Variants in FBXW11 observed in about 807,000 individuals in gnomAD.
FBXW11 encodes the protein F-box and WD repeat domain containing 11, also known as F-box/WD repeat-containing protein 11.
Under a neutral mutation model 77.6 loss-of-function variants are expected in FBXW11, and 19 were observed. The observed-to-expected ratio is 0.24, with a 90% CI of 0.17 to 0.36. The LOEUF is 0.36. FBXW11 is among the 10% of genes least tolerant of loss of function. The probability of loss-of-function intolerance (pLI) is 1.00; values close to 1 mark genes in which losing one functional copy is unlikely to be tolerated. For missense variants in FBXW11, 334 were observed against 704.2 expected (o/e 0.47, Z 5.95); for synonymous variants, 235 against 249.4 (o/e 0.94, Z 0.54).
chr5:171,878,593 A>AGTGTGTGTGT (rs1491338650), intron 7 of FBXW11, among the ~76,000 whole-genome samples: 4 of 59,548 alleles, frequency 6.7e-5, no homozygotes, highest in African/African-American at 3.3e-4. Context: ...TGTGTGTGTA[A>AGTGTGTGTGT]GAGAGAGAGA....
At chr5:171,999,389 CAAAAAA>C (rs1222905214) in intron 1 of FBXW11, among the ~76,000 whole-genome samples, 1 of 127,610 alleles carries the variant, frequency 7.8e-6, no homozygotes, top group Non-Finnish European at 1.6e-5. Flanking sequence ...CCCTTCCCTT[CAAAAAA>C]AAAAAATATA....
At chr5:171,912,610 A>G (rs61063419) in intron 3 of FBXW11, among the ~76,000 whole-genome samples, 272 of 152,330 alleles carry the variant, frequency 1.8e-3, no homozygotes, top group African/African-American at 5.4e-3. Context: ...AAACTAGCAT[A>G]TAAAGTAAGA....
At chr5:171,955,336 C>T (rs1276174753) in intron 2 of FBXW11, among the ~76,000 whole-genome samples, 1 of 152,176 alleles carries the variant, frequency 6.6e-6, no homozygotes, top group Admixed American at 6.5e-5. Flanking sequence ...CAGGAAAGAA[C>T]CAGGCTCTGT....
At chr5:171,897,228 G>A (rs957337189) in intron 6 of FBXW11, among the ~76,000 whole-genome samples, 1 of 152,136 alleles carries the variant, frequency 6.6e-6, no homozygotes, top group African/African-American at 2.4e-5. Flanking sequence ...CAAAGTATCT[G>A]GCATAAGTAA....
At chr5:171,963,206 C>T (rs200638862) in intron 1 of FBXW11, among the ~76,000 whole-genome samples, 10 of 138,166 alleles carry the variant, frequency 7.2e-5, no homozygotes, top group Non-Finnish European at 1.5e-4. Flanking sequence ...CACACACACA[C>T]ATATATATAT....
chr5:171,868,567 G>T, intron 13 of FBXW11, 43 bp downstream of exon 13: 1 of 1,507,230 alleles, frequency 6.6e-7, no homozygotes, highest in Non-Finnish European at 9.0e-7. Context: ...AAGGGAAGGT[G>T]AATTCAATCA....
intron 1 of FBXW11, among the ~76,000 whole-genome samples, chr5:171,979,201 G>A (rs1765012007): frequency 6.6e-6 from 1 of 152,138 alleles, no homozygotes; most frequent in Admixed American, 6.6e-5. Context: ...CATGCCTGTA[G>A]TCCCAGCTAC....
At chr5:171,899,134 T>C in intron 5 of FBXW11, 40 bp from the exon 6 acceptor site, 5 of 1,359,256 alleles carry the variant, frequency 3.7e-6, no homozygotes, top group Non-Finnish European at 5.1e-6. Flanking sequence ...TTTTTGCACA[T>C]AAAAGGGTGA....
At chr5:171,890,910 G>C (rs1248566466) in intron 7 of FBXW11, among the ~76,000 whole-genome samples, 2 of 152,086 alleles carry the variant, frequency 1.3e-5, no homozygotes, top group Admixed American at 1.3e-4. Context: ...AAACTTCCCT[G>C]TTTGTAAGTT....
chr5:171,913,826 C>CACACACACACAT lies in FBXW11; in HGVS notation c.210+516_210+517insATGTGTGTGTGT, dbSNP rs1394069059. Among the ~76,000 whole-genome samples, 912 of 112,244 alleles carry CACACACACACAT rather than the reference C, an allele frequency of 8.1e-3. 29 individuals are homozygous for CACACACACACAT. Among genetic ancestry groups the CACACACACACAT allele is most frequent in the East Asian group, 0.024 (96 of 3,944 alleles). 73.6% of individuals were successfully genotyped at this position (112,244 alleles called of 152,430 possible). ...CCCCAACCACACACACATACACACA[C>CACACACACACAT]ACACACACACACACACACACACACA... On this transcript the variant is annotated intron_variant, in intron 3 of 13. Transcript: ENST00000517395.
At chr5:171,886,790 G>GA in intron 7 of FBXW11, among the ~76,000 whole-genome samples, 1 of 152,154 alleles carries the variant, frequency 6.6e-6, no homozygotes, top group African/African-American at 2.4e-5. Flanking sequence ...GAGGCAGGAG[G>GA]ATCATTTGAG....
At chr5:171,906,990 C>T (rs1187861916) in intron 4 of FBXW11, among the ~76,000 whole-genome samples, 1 of 152,222 alleles carries the variant, frequency 6.6e-6, no homozygotes, top group Non-Finnish European at 1.5e-5. Context: ...GCTTAGACAC[C>T]TCAACAAACC....
At chr5:171,923,681 T>C (rs927790308) in intron 2 of FBXW11, among the ~76,000 whole-genome samples, 31 of 152,044 alleles carry the variant, frequency 2.0e-4, no homozygotes, top group African/African-American at 7.5e-4. Flanking sequence ...AAAACTGAAA[T>C]AGAATAGAGC....
intron 1 of FBXW11, among the ~76,000 whole-genome samples, chr5:171,993,227 G>C (rs1368750669): frequency 6.6e-6 from 1 of 151,992 alleles, no homozygotes; most frequent in Non-Finnish European, 1.5e-5. Flanking sequence ...GAATATTCCA[G>C]TCATTTGGCT....
intron 1 of FBXW11, among the ~76,000 whole-genome samples, chr5:171,960,966 G>A (rs1329824987): frequency 6.6e-6 from 1 of 152,076 alleles, no homozygotes; most frequent in African/African-American, 2.4e-5. Context: ...TAATATCTAT[G>A]GTAGATACTG....
chr5:171,887,377 T>G (rs1341394657), intron 7 of FBXW11, among the ~76,000 whole-genome samples: 1 of 151,998 alleles, frequency 6.6e-6, no homozygotes, highest in Non-Finnish European at 1.5e-5. Flanking sequence ...TATTTCACTT[T>G]TTAAAAAACA....
At chr5:171,947,861 G>A (rs1305029964) in intron 2 of FBXW11, among the ~76,000 whole-genome samples, 2 of 152,042 alleles carry the variant, frequency 1.3e-5, no homozygotes, top group Non-Finnish European at 2.9e-5. Flanking sequence ...ACGCTATAGT[G>A]AGCCATGTTC....
intron 2 of FBXW11, chr5:171,916,529 T>C (rs1263884701): frequency 2.3e-6 from 2 of 857,490 alleles, no homozygotes; most frequent in East Asian, 1.2e-4. Context: ...TAAGTAATTC[T>C]GAATGGGATG....
intron 6 of FBXW11, among the ~76,000 whole-genome samples, chr5:171,893,574 G>C (rs1025696519): frequency 6.6e-6 from 1 of 152,066 alleles, no homozygotes. Flanking sequence ...GAATCATTTA[G>C]AGAAACAATG....
Sources: gnomAD v4.1 joint callset for allele counts (sites outside exome capture counted in the v4.1 genomes callset) on GRCh38, gnomAD v4.1.1 for gene constraint, MANE v1.5 for transcripts, NCBI Gene and HGNC (gene_info 2026-07-23, HGNC 2026-07-21) for gene names.